Variants in SEMA5A observed in about 807,000 individuals in gnomAD.
The protein encoded by SEMA5A is semaphorin-5A.
In SEMA5A, 55 loss-of-function variants were observed where a neutral mutation model predicts 135.5. The observed-to-expected ratio is 0.41, with a 90% confidence interval of 0.33 to 0.51. The LOEUF (loss-of-function observed/expected upper bound fraction) is 0.51, where lower values mean the gene tolerates loss of function less well. Ranked by LOEUF, SEMA5A falls within the 20% of genes least tolerant of loss-of-function variation. SEMA5A has a pLI of 0.37. For missense variants in SEMA5A, 1,290 were observed against 1,419.9 expected, an observed-to-expected ratio of 0.91 and a Z score of 1.47; for synonymous variants, 580 against 546.5, an observed-to-expected ratio of 1.06 and a Z score of -0.85.
chr5:9,137,996 G>A (rs916865460), intron 12 of SEMA5A, among the ~76,000 whole-genome samples: 7 of 152,200 alleles, frequency 4.6e-5, no homozygotes, highest in African/African-American at 1.7e-4. Flanking sequence ...TACAGCTAGG[G>A]AAGATATGTT....
rs200494273 is a variant in SEMA5A, at chr5:9,536,602, G to A, written c.-175+8982C>T. On this transcript the variant is annotated intron_variant, in intron 1 of 22. Coordinates refer to ENST00000382496, the MANE Select transcript of SEMA5A (RefSeq NM_003966.3). ...CACTCCAGCCTGGAGAACAGAACAA[G>A]ACTCCGTCTCAAAAAAGAAAAAAAA... Among the ~76,000 whole-genome samples the A allele has an allele frequency of 1.3e-4, 19 of 144,674 alleles. No homozygotes were observed. The East Asian group carries it at 3.8e-3, about 29-fold the overall frequency. The allele number at this position is 144,674 out of a possible 152,430, so 94.9% of individuals were successfully genotyped here.
At chr5:9,458,615 C>A (rs1320186135) in intron 1 of SEMA5A, among the ~76,000 whole-genome samples, 1 of 152,162 alleles carries the variant, frequency 6.6e-6, no homozygotes, top group Non-Finnish European at 1.5e-5. Context: ...TGCTCTGGGG[C>A]TGTGGGAGAG....
chr5:9,443,796 C>G (rs573222411), intron 1 of SEMA5A, among the ~76,000 whole-genome samples: 1 of 152,266 alleles, frequency 6.6e-6, no homozygotes, highest in Non-Finnish European at 1.5e-5. Flanking sequence ...ACTGGCAGAA[C>G]GTCTGCTGCC....
At chr5:9,407,813 C>T (rs1162800776) in intron 2 of SEMA5A, among the ~76,000 whole-genome samples, 2 of 152,140 alleles carry the variant, frequency 1.3e-5, no homozygotes, top group African/African-American at 4.8e-5. Context: ...ATGGTGAGTA[C>T]CTAGCGCAAA....
chr5:9,457,900 C>CTTT (rs70943966), intron 1 of SEMA5A, among the ~76,000 whole-genome samples: 245 of 70,212 alleles, frequency 3.5e-3, no homozygotes, highest in Non-Finnish European at 4.5e-3. Context: ...AGCATCTCTC[C>CTTT]TTTTTTTTTT....
chr5:9,142,491 T>A (rs533422559), intron 12 of SEMA5A, among the ~76,000 whole-genome samples: 2 of 152,206 alleles, frequency 1.3e-5, no homozygotes, highest in Non-Finnish European at 2.9e-5. Context: ...TCCCAAATAC[T>A]GTGCAAGAGC....
intron 12 of SEMA5A, among the ~76,000 whole-genome samples, chr5:9,140,122 T>C (rs1741984015): frequency 6.6e-6 from 1 of 152,214 alleles, no homozygotes; most frequent in African/African-American, 2.4e-5. Context: ...TACAAGTTTA[T>C]AACAGAGAGT....
chr5:9,197,871 T>C (rs190533024), intron 9 of SEMA5A, among the ~76,000 whole-genome samples: 310 of 152,204 alleles, frequency 2.0e-3, no homozygotes, highest in African/African-American at 7.1e-3. Context: ...TGACTCTTCA[T>C]ATTTTCTTTT....
chr5:9,249,506 G>C (rs1476046634), intron 5 of SEMA5A, among the ~76,000 whole-genome samples: 1 of 152,184 alleles, frequency 6.6e-6, no homozygotes, highest in Non-Finnish European at 1.5e-5. Context: ...TATCTCCCGT[G>C]TGTGTAAGAC....
At chr5:9,431,332 C>T (rs1486256419) in intron 2 of SEMA5A, among the ~76,000 whole-genome samples, 3 of 152,192 alleles carry the variant, frequency 2.0e-5, no homozygotes, top group African/African-American at 7.2e-5. Flanking sequence ...AATGTAAGTG[C>T]ACTATTCTTA....
At chr5:9,381,979 T>TGTGTGTGTGTGC (rs1240844600) in intron 2 of SEMA5A, among the ~76,000 whole-genome samples, 2 of 97,392 alleles carry the variant, frequency 2.1e-5, no homozygotes, top group Non-Finnish European at 4.4e-5. Context: ...TGTGTGTGTG[T>TGTGTGTGTGTGC]GTGCGCGCGC....
At chr5:9,144,768 G>T (rs1483331721) in intron 12 of SEMA5A, among the ~76,000 whole-genome samples, 1 of 152,162 alleles carries the variant, frequency 6.6e-6, no homozygotes, top group Non-Finnish European at 1.5e-5. Context: ...CTTGGATGAG[G>T]CCATGCTGAC....
chr5:9,309,433 T>C (rs1372319984), intron 5 of SEMA5A, among the ~76,000 whole-genome samples: 1 of 152,110 alleles, frequency 6.6e-6, no homozygotes, highest in Non-Finnish European at 1.5e-5. Context: ...ACCTGCCTTG[T>C]GATTTCTTGA....
At position 9,099,131 on chromosome 5, in the gene SEMA5A, TA is replaced by T. The variant is rs973065748; in HGVS notation, c.2073+9008del. Among the ~76,000 whole-genome samples the T allele has an allele frequency of 3.9e-4, 60 of 152,338 alleles. 1 individual carries two copies. The highest frequency in any genetic ancestry group is 1.2e-3 in the African/African-American group (50 of 41,584). ...GGCAGACTCTTGATGGATTAATTCC[TA>T]TAATCCATCATTTTTCTTTTCTCTC... On this transcript the variant is annotated intron_variant, in intron 16 of 22. Coordinates refer to ENST00000382496, the MANE Select transcript of SEMA5A (RefSeq NM_003966.3).
At chr5:9,483,178 C>T (rs1759941173) in intron 1 of SEMA5A, among the ~76,000 whole-genome samples, 1 of 151,982 alleles carries the variant, frequency 6.6e-6, no homozygotes, top group African/African-American at 2.4e-5. Context: ...CTACCACTCC[C>T]TCTCTCTCAT....
intron 4 of SEMA5A, among the ~76,000 whole-genome samples, chr5:9,332,597 T>C (rs1352332435): frequency 6.7e-6 from 1 of 149,590 alleles, no homozygotes; most frequent in Admixed American, 6.7e-5. Flanking sequence ...GTGTGCAACG[T>C]GTGAAGTTGT....
intron 19 of SEMA5A, among the ~76,000 whole-genome samples, chr5:9,052,826 G>A (rs1736663444): frequency 6.6e-6 from 1 of 151,936 alleles, no homozygotes; most frequent in African/African-American, 2.4e-5. Flanking sequence ...AAAAAACTCT[G>A]GATATTGTTT....
chr5:9,120,735 T>C (rs1282838990), intron 14 of SEMA5A, among the ~76,000 whole-genome samples: 2 of 152,168 alleles, frequency 1.3e-5, no homozygotes, highest in African/African-American at 4.8e-5. Flanking sequence ...TGCTTTCAAA[T>C]TTGTTTGGAA....
chr5:9,056,024 T>C (rs1236911784), intron 18 of SEMA5A, among the ~76,000 whole-genome samples: 1 of 152,146 alleles, frequency 6.6e-6, no homozygotes, highest in Non-Finnish European at 1.5e-5. Flanking sequence ...AAATAAGTCA[T>C]TGTGACTTAT....
Sources: allele counts gnomAD v4.1 joint callset (sites outside exome capture counted in the v4.1 genomes callset), GRCh38; gene constraint gnomAD v4.1.1; transcripts MANE v1.5; gene names NCBI Gene and HGNC (gene_info 2026-07-23, HGNC 2026-07-21).